The following FRMD4A variants were observed in gnomAD, a reference collection of about 807,000 sequenced individuals.
FRMD4A encodes the protein FERM domain-containing protein 4A.
In FRMD4A, 29 loss-of-function variants were observed where a neutral mutation model predicts 129.1. The ratio of observed to expected loss-of-function variants is 0.22; its 90% CI spans 0.17 to 0.31. The LOEUF is 0.31. Among genes scored for constraint, FRMD4A ranks in the 10% least tolerant of loss-of-function variants. The pLI is 1.00. For missense variants in FRMD4A, 1,272 were observed against 1,375.8 expected (o/e 0.92, Z 1.19); for synonymous variants, 634 against 571.6 (o/e 1.11, Z -1.56).
intron 2 of FRMD4A, among the ~76,000 whole-genome samples, chr10:13,927,695 C>G (rs1252390404): frequency 6.6e-6 from 1 of 152,194 alleles, no homozygotes; most frequent in Non-Finnish European, 1.5e-5. Flanking sequence ...ACTATAAATT[C>G]TATAAATGTG....
intron 2 of FRMD4A, among the ~76,000 whole-genome samples, chr10:14,268,945 C>T (rs1263370198): frequency 2.0e-5 from 3 of 152,182 alleles, no homozygotes; most frequent in Non-Finnish European, 4.4e-5. Context: ...TAATGATTAC[C>T]CACTAAGCGT....
At chr10:13,988,484 G>T (rs1283173072) in intron 2 of FRMD4A, among the ~76,000 whole-genome samples, 1 of 152,128 alleles carries the variant, frequency 6.6e-6, no homozygotes, top group Non-Finnish European at 1.5e-5. Flanking sequence ...GTTTCTCTTT[G>T]AGTGGGTTGT....
chr10:13,713,712 G>A (rs1428670909), intron 12 of FRMD4A, among the ~76,000 whole-genome samples: 1 of 149,900 alleles, frequency 6.7e-6, no homozygotes, highest in Non-Finnish European at 1.5e-5. Context: ...GCCCTGGTAA[G>A]GTTTTGCTAT....
At chr10:13,719,696 T>C (rs937872205) in intron 12 of FRMD4A, among the ~76,000 whole-genome samples, 1 of 151,856 alleles carries the variant, frequency 6.6e-6, no homozygotes, top group African/African-American at 2.4e-5. Flanking sequence ...TATTGGCTGG[T>C]TCAGCAGAAA....
rs545859993 is a variant in FRMD4A at position 13,903,040 on chromosome 10, C to T, written c.46-44128G>A. Among the ~76,000 whole-genome samples, 83 of 152,194 alleles carry T rather than the reference C, an allele frequency of 5.5e-4. 1 individual carries two copies. The South Asian group carries it at 0.016, about 29-fold the overall frequency. ...CTACCTCTTGGCTTTTACTGTGCTC[C>T]GGGCACCCTGTTGTCTTTACGCTTG... On this transcript the variant is annotated intron_variant, in intron 2 of 24. Coordinates refer to ENST00000357447, the MANE Select transcript of FRMD4A (RefSeq NM_018027.5).
intron 3 of FRMD4A, among the ~76,000 whole-genome samples, chr10:13,839,084 C>T (rs2093923202): frequency 7.2e-6 from 1 of 138,310 alleles, no homozygotes; most frequent in Non-Finnish European, 1.5e-5. Context: ...CAGCCTTGAA[C>T]TCTTGGGCTC....
intron 3 of FRMD4A, among the ~76,000 whole-genome samples, chr10:13,839,392 T>C (rs1243658035): frequency 1.3e-5 from 2 of 152,160 alleles, no homozygotes; most frequent in Non-Finnish European, 2.9e-5. Context: ...ATTATAGTTT[T>C]TGAGAAAATG....
intron 12 of FRMD4A, among the ~76,000 whole-genome samples, chr10:13,736,731 C>T (rs987573994): frequency 6.6e-6 from 1 of 152,222 alleles, no homozygotes. Context: ...ATATTGCTTT[C>T]TCTCTGCTAA....
chr10:14,286,921 AAAG>A (rs1845698408), intron 2 of FRMD4A, among the ~76,000 whole-genome samples: 1 of 152,106 alleles, frequency 6.6e-6, no homozygotes, highest in Non-Finnish European at 1.5e-5. Flanking sequence ...GAGGCCACCA[AAAG>A]AAGTGAAATG....
chr10:13,681,797 C>G (rs979591231), intron 15 of FRMD4A, among the ~76,000 whole-genome samples: 1 of 152,044 alleles, frequency 6.6e-6, no homozygotes, highest in South Asian at 2.1e-4. Flanking sequence ...TCTGTTTCCT[C>G]CCCTGTAAAA....
rs368935593 is a variant in FRMD4A at position 13,659,409 on chromosome 10, G to A, written c.1980C>T (p.Arg660=). Residue 660 remains arginine, a synonymous_variant, in exon 21 of 25, where the codon CGC becomes CGT. Transcript: ENST00000357447. The part of the protein sequence containing the change: ...GSNSLQNSPI[R]GLPHWNSQSS... Reference sequence around the variant, plus strand: ...ACTGGGAGTTCCAGTGCGGGAGGCCGCGGATGGGGCTGTTCTGCAAGGAGT... The same window carrying A: ...ACTGGGAGTTCCAGTGCGGGAGGCCACGGATGGGGCTGTTCTGCAAGGAGT... The A allele has an allele frequency of 8.1e-6, 13 of 1,614,018 alleles. No individual in the cohort carries two copies. Among genetic ancestry groups the A allele is most frequent in the East Asian group, 2.2e-5 (1 of 44,892 alleles).
Position 14,131,003 on chromosome 10 carries a change from A to G in FRMD4A, c.45+199055T>C, listed in dbSNP as rs1564323536. Among the ~76,000 whole-genome samples the G allele has an allele frequency of 2.0e-5, 3 of 152,220 alleles. 1 individual carries two copies. Among genetic ancestry groups the G allele is most frequent in the Admixed American group, 2.0e-4 (3 of 15,286 alleles). On this transcript the variant is annotated intron_variant, in intron 2 of 24. Coordinates refer to ENST00000357447, the MANE Select transcript of FRMD4A (RefSeq NM_018027.5). ...AGTATCCTTGGTTTGCATGCCTGAC[A>G]CCAGGAGGAGAAAGCAAGGACTATT... is the stretch of plus-strand genomic sequence containing the variant.
chr10:14,196,942 G>A (rs1564379883), intron 2 of FRMD4A, among the ~76,000 whole-genome samples: 1 of 152,190 alleles, frequency 6.6e-6, no homozygotes, highest in Non-Finnish European at 1.5e-5. Flanking sequence ...CCTGTCTAGG[G>A]TCCATGCAAT....
chr10:14,225,945 G>T (rs1399033325), intron 2 of FRMD4A, among the ~76,000 whole-genome samples: 1 of 152,108 alleles, frequency 6.6e-6, no homozygotes. Context: ...CTGACCTCTG[G>T]GTGGCCAGAT....
chr10:14,166,222 TTATAA>T (rs1374299139), intron 2 of FRMD4A, among the ~76,000 whole-genome samples: 2 of 150,632 alleles, frequency 1.3e-5, no homozygotes, highest in African/African-American at 2.4e-5. Flanking sequence ...CTAAAACATG[TTATAA>T]TATATTAAGT....
At chr10:14,197,998 A>C (rs1361803096) in intron 2 of FRMD4A, among the ~76,000 whole-genome samples, 1 of 152,176 alleles carries the variant, frequency 6.6e-6, no homozygotes, top group African/African-American at 2.4e-5. Flanking sequence ...CGCAGGACAG[A>C]CCTGGCCAAT....
chr10:13,660,068 G>A (rs1015128529), intron 20 of FRMD4A, among the ~76,000 whole-genome samples: 17 of 152,314 alleles, frequency 1.1e-4, no homozygotes, highest in Admixed American at 8.5e-4. Context: ...GAATTTAACA[G>A]CATTCAAACC....
chr10:13,771,653 C>T (rs377707523), intron 6 of FRMD4A, among the ~76,000 whole-genome samples: 11 of 152,216 alleles, frequency 7.2e-5, no homozygotes, highest in South Asian at 2.1e-4. Flanking sequence ...ACCAACTTCT[C>T]CTCCAGCCTA....
intron 2 of FRMD4A, among the ~76,000 whole-genome samples, chr10:14,184,133 T>TC (rs1841999657): frequency 4.0e-5 from 5 of 124,392 alleles, no homozygotes; most frequent in Admixed American, 8.8e-5. Context: ...TTCTTTTTTT[T>TC]TTTTTTTTTT....
Sources: allele counts gnomAD v4.1 joint callset (sites outside exome capture counted in the v4.1 genomes callset), GRCh38; gene constraint gnomAD v4.1.1; transcripts MANE v1.5; gene names NCBI Gene and HGNC (gene_info 2026-07-23, HGNC 2026-07-21).